ERAP2: variants seen among roughly 807,000 people sequenced by gnomAD.
The protein encoded by ERAP2 is leukocyte-derived arginine aminopeptidase.
A neutral mutation model predicts 111.1 loss-of-function variants in ERAP2; 118 were observed. That is an observed-to-expected ratio of 1.06 (90% confidence interval 0.92 to 1.24). The LOEUF (loss-of-function observed/expected upper bound fraction) is 1.24. Ranked by LOEUF, ERAP2 falls within the 50% of genes most tolerant of loss-of-function variation. The probability of loss-of-function intolerance (pLI) is 0.00; values close to 1 mark genes in which losing one functional copy is unlikely to be tolerated. For synonymous variants in ERAP2, 410 were observed against 401.2 expected (o/e 1.02, Z -0.26); for missense variants, 1,131 against 1,125.8 (o/e 1.00, Z -0.07).
rs367830527 is a variant in ERAP2 at position 96,896,462 on chromosome 5, G to A, written c.1329G>A (p.Pro443=). The A allele has an allele frequency of 1.2e-5, 19 of 1,613,458 alleles. No homozygotes were observed. The highest frequency in any genetic ancestry group is 1.7e-4 in the Middle Eastern group (1 of 6,058). ...SRPISKPAET[P]TQIQEMFDEV... ...CTATCTCCAAACCAGCGGAAACCCC[G>A]ACTCAAATACAGGAAATGTTTGATG... The change falls in exon 8 of 19, where the codon CCG becomes CCA. Residue 443 remains proline, a synonymous_variant. Coordinates refer to ENST00000437043, the MANE Select transcript of ERAP2 (RefSeq NM_022350.5).
rs1338030807 is a variant in ERAP2, at chr5:96,887,096, TATATACAC to T, written c.849+309_849+316del. On this transcript the variant is annotated intron_variant, in intron 4 of 18. Coordinates refer to ENST00000437043, the MANE Select transcript of ERAP2 (RefSeq NM_022350.5). ...AAGTATATATATATATATATATATA[TATATACAC>T]ACACACACACACACACACACACATA... is the stretch of plus-strand genomic sequence containing the variant. 2.9e-3 allele frequency among the ~76,000 whole-genome samples: 401 copies of T among 140,294 alleles called. 1 individual carries two copies. The highest frequency in any genetic ancestry group is 9.6e-3 in the African/African-American group (363 of 37,860). The allele number at this position is 140,294 out of a possible 152,430, so 92.0% of individuals were successfully genotyped here. A position where few individuals can be genotyped will look rare whatever the true frequency, so the allele number is the denominator to read the frequency against.
chr5:96,913,344 G>GT lies in ERAP2; in HGVS notation c.2544_2545insT (p.Val849CysfsTer40). 1 of 1,614,058 alleles carries GT rather than the reference G, an allele frequency of 6.2e-7. No individual in the cohort carries two copies. The highest frequency in any genetic ancestry group is 1.6e-4 in the Middle Eastern group (1 of 6,062). On this transcript the variant is annotated frameshift_variant, in exon 17 of 19. Coordinates refer to ENST00000437043, the MANE Select transcript of ERAP2 (RefSeq NM_022350.5). LOFTEE classifies it high-confidence loss of function. Reference sequence around the variant, plus strand: ...TAATTGAACTAGGAATGGAAGGAAAGGTTATCAAGACACAGAACTTGGCAG... The same window carrying GT: ...TAATTGAACTAGGAATGGAAGGAAAGTGTTATCAAGACACAGAACTTGGCAG...
At position 96,912,647 on chromosome 5, in the gene ERAP2, G is replaced by A. The variant is rs1490330123; in HGVS notation, c.2365G>A (p.Asp789Asn). The change falls in exon 16 of 19, where the codon GAT becomes AAT. Residue 789 changes from aspartate to asparagine, a missense_variant. By Grantham distance (23) the Asp-to-Asn change is conservative. Around this residue, in one of 3 missense-constraint regions of ERAP2, gnomAD observed 279 missense variants for 250.9 expected, o/e 1.11. Coordinates refer to ENST00000437043, the MANE Select transcript of ERAP2 (RefSeq NM_022350.5). ...ESSGKLNIPT[D>N]VLKIVYSVGA... Reference sequence around the variant, plus strand: ...TGCTTGATATTACAGTATACCAACAGATGTTTTAAAGATTGTGTATTCTGT... The same window carrying A: ...TGCTTGATATTACAGTATACCAACAAATGTTTTAAAGATTGTGTATTCTGT... 27 of 1,607,998 alleles carry A rather than the reference G, an allele frequency of 1.7e-5. No individual in the cohort carries two copies. Among genetic ancestry groups the A allele is most frequent in the Non-Finnish European group, 2.3e-5 (27 of 1,178,354 alleles).
intron 1 of ERAP2, among the ~76,000 whole-genome samples, chr5:96,876,918 T>G (rs918402897): frequency 6.6e-6 from 1 of 152,134 alleles, no homozygotes; most frequent in Non-Finnish European, 1.5e-5. Context: ...CCTGTGTGGA[T>G]TTTGAGAAGT....
chr5:96,903,621 A>G, intron 13 of ERAP2, 61 bp downstream of exon 13: 3 of 1,422,380 alleles, frequency 2.1e-6, no homozygotes, highest in Non-Finnish European at 2.9e-6. Context: ...GATATGCTAG[A>G]CTTCAATATT....
Position 96,917,652 on chromosome 5 carries a change from A to G in ERAP2, c.*47A>G, listed in dbSNP as rs756377234. The G allele has an allele frequency of 6.9e-7, 1 of 1,452,414 alleles. No individual in the cohort carries two copies. The highest frequency in any genetic ancestry group is 1.4e-5 in the African/African-American group (1 of 69,196). 90.0% of individuals were successfully genotyped at this position (1,452,414 alleles called of 1,614,324 possible). On this transcript the variant is annotated 3_prime_UTR_variant, in exon 19 of 19. Transcript: ENST00000437043. ...CTGGGCGCGGTGGCTCACGCCTGTAATCCCAGCACTTTGGGAGGCTGAGAA... is the reference window on the plus strand; with the variant it reads ...CTGGGCGCGGTGGCTCACGCCTGTAGTCCCAGCACTTTGGGAGGCTGAGAA...
At chr5:96,884,052 A>G in intron 3 of ERAP2, 122 bp downstream of exon 3, 3 of 573,718 alleles carry the variant, frequency 5.2e-6, no homozygotes, top group Non-Finnish European at 5.9e-6. Context: ...CTATCTATCT[A>G]TCTATCTATC....
intron 2 of ERAP2, among the ~76,000 whole-genome samples, chr5:96,880,653 T>C (rs1351389939): frequency 2.0e-5 from 3 of 152,194 alleles, no homozygotes; most frequent in African/African-American, 4.8e-5. Flanking sequence ...TGACAAAGTA[T>C]ACATTGCCTA....
intron 5 of ERAP2, among the ~76,000 whole-genome samples, chr5:96,891,090 T>C (rs1784299695): frequency 6.6e-6 from 1 of 152,180 alleles, no homozygotes; most frequent in Admixed American, 6.5e-5. Flanking sequence ...TTAGCGCTAA[T>C]TTAGTTTTTG....
intron 2 of ERAP2, among the ~76,000 whole-genome samples, chr5:96,882,029 C>T (rs763460452): frequency 1.8e-4 from 28 of 152,144 alleles, no homozygotes; most frequent in South Asian, 1.2e-3. Context: ...TCTTCCCTTC[C>T]CCACTTGGGT....
chr5:96,908,751 TTG>T lies in ERAP2; in HGVS notation c.2013-208_2013-207del, dbSNP rs1272715997. On this transcript the variant is annotated intron_variant, in intron 13 of 18. Coordinates refer to ENST00000437043, the MANE Select transcript of ERAP2 (RefSeq NM_022350.5). Reference sequence around the variant, plus strand: ...GAGGAAGATAGTATTATTATCCCCATTGTATAAAGAAGGCAATAGGTCCAGAG... The same window carrying T: ...GAGGAAGATAGTATTATTATCCCCATTATAAAGAAGGCAATAGGTCCAGAG... Among the ~76,000 whole-genome samples the T allele has an allele frequency of 2.0e-5, 3 of 152,324 alleles. No homozygotes were observed. In the East Asian group the frequency reaches 5.8e-4, roughly 29 times the overall value.
rs1391589612 is a variant in ERAP2 at position 96,901,554 on chromosome 5, T to C, written c.1621T>C (p.Trp541Arg). 1.2e-6 allele frequency: 2 copies of C among 1,613,976 alleles called. No homozygotes were observed. The highest frequency in any genetic ancestry group is 1.1e-5 in the South Asian group (1 of 91,090). Reference protein sequence around the residue: ...NAEVKEMMTTWTLQKGIPLLV... With the variant: ...NAEVKEMMTTRTLQKGIPLLV... Reference sequence around the variant, plus strand: ...AGAGGTCAAAGAGATGATGACTACATGGACTCTCCAGAAAGGAATCCCCCT... The same window carrying C: ...AGAGGTCAAAGAGATGATGACTACACGGACTCTCCAGAAAGGAATCCCCCT... Residue 541 changes from tryptophan (W) to arginine (R), a missense_variant, in exon 11 of 19, where the codon TGG (tryptophan) becomes CGG (arginine). Physicochemically the swap from Trp to Arg is moderately radical, Grantham distance 101. Coordinates refer to ENST00000437043, the MANE Select transcript of ERAP2 (RefSeq NM_022350.5).
chr5:96,909,766 T>C lies in ERAP2; in HGVS notation c.2354+2T>C, dbSNP rs992321249. 6.2e-7 allele frequency: 1 copy of C among 1,613,708 alleles called. No individual in the cohort carries two copies. Among genetic ancestry groups the C allele is most frequent in the Non-Finnish European group, 8.5e-7 (1 of 1,179,678 alleles). On this transcript the variant is annotated splice_donor_variant, in intron 15 of 18. Transcript: ENST00000437043. LOFTEE classifies it high-confidence loss of function. Reference sequence around the variant, plus strand: ...GATGGAATCCAGTGGAAAATTAAAGTAGATGTAGACTTCTGTCCTACCCTT... The same window carrying C: ...GATGGAATCCAGTGGAAAATTAAAGCAGATGTAGACTTCTGTCCTACCCTT...
At position 96,896,836 on chromosome 5, in the gene ERAP2, T is replaced by C; in HGVS notation, c.1476T>C (p.Asn492=). The C allele has an allele frequency of 8.5e-7, 1 of 1,183,370 alleles. No individual in the cohort carries two copies. Among genetic ancestry groups the C allele is most frequent in the Non-Finnish European group, 1.1e-6 (1 of 926,432 alleles). 73.3% of individuals were successfully genotyped at this position (1,183,370 alleles called of 1,614,324 possible). A position where few individuals can be genotyped will look rare whatever the true frequency, so the allele number is the denominator to read the frequency against. ...LKKFSYRNAK[N]DDLWSSLSNS... ...AGTTCAGCTATAGAAATGCTAAGAA[T>C]GATGACTTGTGGAGCAGTCTGTCAA... The change falls in exon 9 of 19, where the codon AAT becomes AAC. Residue 492 remains asparagine, a synonymous_variant. Coordinates refer to ENST00000437043, the MANE Select transcript of ERAP2 (RefSeq NM_022350.5).
At chr5:96,917,157 A>T (rs1022962283) in intron 18 of ERAP2, among the ~76,000 whole-genome samples, 1 of 152,168 alleles carries the variant, frequency 6.6e-6, no homozygotes, top group Non-Finnish European at 1.5e-5. Context: ...GCCAGGCTGG[A>T]GTGCAGTGGC....
At chr5:96,898,375 T>C (rs1785078443) in intron 9 of ERAP2, among the ~76,000 whole-genome samples, 1 of 151,922 alleles carries the variant, frequency 6.6e-6, no homozygotes, top group Non-Finnish European at 1.5e-5. Context: ...AAAAATTATT[T>C]CACAGCTCCT....
At chr5:96,882,883 C>G (rs1472131443) in intron 2 of ERAP2, among the ~76,000 whole-genome samples, 3 of 152,166 alleles carry the variant, frequency 2.0e-5, no homozygotes, top group African/African-American at 7.2e-5. Context: ...CTTATTTGAG[C>G]TATTCTATTC....
chr5:96,881,196 T>G lies in ERAP2; in HGVS notation c.575+936T>G, dbSNP rs1243298706. 1.7e-5 allele frequency: 6 copies of G among 345,496 alleles called. No homozygotes were observed. The East Asian group carries it at 4.6e-4, about 27-fold the overall frequency. The allele number at this position is 345,496 out of a possible 1,614,324, so 21.4% of individuals were successfully genotyped here. On this transcript the variant is annotated intron_variant, in intron 2 of 18. Coordinates refer to ENST00000437043, the MANE Select transcript of ERAP2 (RefSeq NM_022350.5). ...AAATCACTGGAGGATTCTGCTCTGATTTATGCTTTATAAAGATCAAGTCTA... is the reference window on the plus strand; with the variant it reads ...AAATCACTGGAGGATTCTGCTCTGAGTTATGCTTTATAAAGATCAAGTCTA...
intron 4 of ERAP2, among the ~76,000 whole-genome samples, chr5:96,888,891 C>T (rs1784040718): frequency 6.6e-6 from 1 of 152,050 alleles, no homozygotes; most frequent in African/African-American, 2.4e-5. Flanking sequence ...CAAGTGGGTT[C>T]CTCTCTATGA....
Sources: gnomAD v4.1 joint callset for allele counts (sites outside exome capture counted in the v4.1 genomes callset) on GRCh38, gnomAD v4.1.1 for gene constraint, gnomAD v4.1.1 regional missense constraint, MANE v1.5 for transcripts, NCBI Gene and HGNC (gene_info 2026-07-23, HGNC 2026-07-21) for gene names.